Variants in NXPH1 observed in about 807,000 individuals in gnomAD.
NXPH1 encodes neurexophilin-1.
Under a neutral mutation model 23.7 loss-of-function variants are expected in NXPH1, and 5 were observed. The observed-to-expected ratio is 0.21, with a 90% CI of 0.11 to 0.44. The LOEUF is 0.44. Ranked by LOEUF, NXPH1 falls within the 20% of genes least tolerant of loss-of-function variation. NXPH1 has a pLI of 0.99. For synonymous variants in NXPH1, 144 were observed against 122.2 expected, an observed-to-expected ratio of 1.18 and a Z score of -1.18; for missense variants, 324 against 321.6, an observed-to-expected ratio of 1.01 and a Z score of -0.06.
At chr7:8,748,142 G>A (rs35872339) in intron 2 of NXPH1, among the ~76,000 whole-genome samples, 53,856 of 152,008 alleles carry the variant, frequency 0.35, 9,926 homozygotes, top group East Asian at 0.71. Context: ...TATCCTATTA[G>A]AAATTAATAT....
intron 2 of NXPH1, among the ~76,000 whole-genome samples, chr7:8,645,547 G>C (rs1021654319): frequency 6.6e-6 from 1 of 151,612 alleles, no homozygotes; most frequent in Admixed American, 6.6e-5. Context: ...ATAAATTTTA[G>C]GTATCAACCC....
intron 2 of NXPH1, among the ~76,000 whole-genome samples, chr7:8,473,349 A>G (rs1303097580): frequency 6.6e-6 from 1 of 152,144 alleles, no homozygotes; most frequent in Non-Finnish European, 1.5e-5. Flanking sequence ...TAAATGTACA[A>G]GAAAGCCTTT....
chr7:8,662,189 T>TATACACACACAC (rs145866939), intron 2 of NXPH1, among the ~76,000 whole-genome samples: 1 of 150,632 alleles, frequency 6.6e-6, no homozygotes, highest in Non-Finnish European at 1.5e-5. Flanking sequence ...TATATATATA[T>TATACACACACAC]ACACACATAT....
chr7:8,662,494 T>C (rs566976496), intron 2 of NXPH1, among the ~76,000 whole-genome samples: 6 of 152,204 alleles, frequency 3.9e-5, no homozygotes, highest in African/African-American at 1.4e-4. Context: ...ATTTCAAGCA[T>C]AGTTATGATT....
intron 2 of NXPH1, among the ~76,000 whole-genome samples, chr7:8,658,605 TTTG>T (rs1409840981): frequency 6.6e-6 from 1 of 152,224 alleles, no homozygotes; most frequent in Non-Finnish European, 1.5e-5. Flanking sequence ...TTGGCTTTGA[TTTG>T]TAAGTTATAT....
chr7:8,469,373 G>A (rs558005113), intron 2 of NXPH1, among the ~76,000 whole-genome samples: 18 of 152,120 alleles, frequency 1.2e-4, no homozygotes, highest in African/African-American at 3.6e-4. Context: ...TTTTTATTGA[G>A]TATTTACCGC....
intron 2 of NXPH1, among the ~76,000 whole-genome samples, chr7:8,665,616 A>C (rs1820747825): frequency 6.6e-6 from 1 of 152,028 alleles, no homozygotes; most frequent in Admixed American, 6.6e-5. Context: ...GGCTGTATGA[A>C]CATTTTAACA....
chr7:8,698,774 T>C (rs1779575828), intron 2 of NXPH1, among the ~76,000 whole-genome samples: 1 of 152,178 alleles, frequency 6.6e-6, no homozygotes, highest in South Asian at 2.1e-4. Flanking sequence ...CAGTTTAGGC[T>C]AGATGAAATT....
intron 2 of NXPH1, among the ~76,000 whole-genome samples, chr7:8,450,163 C>G (rs1016165359): frequency 2.0e-5 from 3 of 152,130 alleles, no homozygotes; most frequent in African/African-American, 7.2e-5. Flanking sequence ...AATTATTTGC[C>G]ATGTCTTGGC....
At chr7:8,497,712 T>C (rs1156370375) in intron 2 of NXPH1, among the ~76,000 whole-genome samples, 1 of 152,180 alleles carries the variant, frequency 6.6e-6, no homozygotes, top group Non-Finnish European at 1.5e-5. Context: ...TGGGGTTGTT[T>C]GATTTTTTTC....
chr7:8,621,437 A>T (rs901351431), intron 2 of NXPH1, among the ~76,000 whole-genome samples: 1 of 151,880 alleles, frequency 6.6e-6, no homozygotes, highest in Non-Finnish European at 1.5e-5. Flanking sequence ...GAACTTTGGG[A>T]CAAAGCTCTT....
At chr7:8,490,948 C>T (rs1817239296) in intron 2 of NXPH1, among the ~76,000 whole-genome samples, 1 of 152,032 alleles carries the variant, frequency 6.6e-6, no homozygotes, top group Non-Finnish European at 1.5e-5. Context: ...TTTCACAGGA[C>T]TGTGTCTATG....
chr7:8,707,603 C>T (rs1209586934), intron 2 of NXPH1, among the ~76,000 whole-genome samples: 7 of 151,892 alleles, frequency 4.6e-5, no homozygotes, highest in Admixed American at 2.0e-4. Context: ...TATATATATA[C>T]TCATCATCTC....
At chr7:8,591,419 T>G (rs1819091123) in intron 2 of NXPH1, among the ~76,000 whole-genome samples, 1 of 152,032 alleles carries the variant, frequency 6.6e-6, no homozygotes. Flanking sequence ...GATGGCTGTT[T>G]ACTGAACACC....
At chr7:8,601,608 G>A (rs970443831) in intron 2 of NXPH1, among the ~76,000 whole-genome samples, 5 of 152,242 alleles carry the variant, frequency 3.3e-5, no homozygotes, top group South Asian at 2.1e-4. Context: ...TGCTTGAATC[G>A]TCTTTCATTG....
In NXPH1 at chr7:8,707,522, T is replaced by C. The variant is rs28457190; in HGVS notation, c.55-43486T>C. 2.0e-3 allele frequency among the ~76,000 whole-genome samples: 311 copies of C among 152,284 alleles called. 3 individuals carry two copies. The highest frequency in any genetic ancestry group is 7.1e-3 in the African/African-American group (295 of 41,574). On this transcript the variant is annotated intron_variant, in intron 2 of 2. Transcript: ENST00000405863. The stretch of plus-strand genomic sequence containing the variant: ...ATTGTTGGTTCTCAGTATGTATTAA[T>C]GAGTGAATGGAATATGGTGCTTTCC...
intron 2 of NXPH1, among the ~76,000 whole-genome samples, chr7:8,698,979 G>A (rs1053490052): frequency 6.6e-6 from 1 of 152,018 alleles, no homozygotes; most frequent in African/African-American, 2.4e-5. Context: ...AATTCTTGGT[G>A]CAAAGAAAAT....
intron 2 of NXPH1, among the ~76,000 whole-genome samples, chr7:8,657,255 C>T (rs949830858): frequency 1.8e-4 from 28 of 152,098 alleles, no homozygotes; most frequent in African/African-American, 6.8e-4. Context: ...AGTGCAAGTG[C>T]CAAAGAAATG....
chr7:8,599,243 T>C (rs1000422031), intron 2 of NXPH1, among the ~76,000 whole-genome samples: 2 of 152,092 alleles, frequency 1.3e-5, no homozygotes, highest in African/African-American at 4.8e-5. Flanking sequence ...AGGATAGTTA[T>C]AGGTGGCATG....
Sources: allele counts gnomAD v4.1 joint callset (sites outside exome capture counted in the v4.1 genomes callset), GRCh38; gene constraint gnomAD v4.1.1; transcripts MANE v1.5; gene names NCBI Gene and HGNC (gene_info 2026-07-23, HGNC 2026-07-21).